FRMD6: variants seen among roughly 807,000 people sequenced by gnomAD.
FRMD6 encodes the protein FERM domain containing 6, also known as FERM domain-containing protein 6.
In FRMD6, 37 loss-of-function variants were observed where a neutral mutation model predicts 73.2. The observed-to-expected ratio is 0.51, with a 90% CI of 0.39 to 0.66. FRMD6 has a LOEUF of 0.66. Ranked by LOEUF, FRMD6 falls within the 30% of genes least tolerant of loss-of-function variation. FRMD6 has a pLI of 0.00. For synonymous variants in FRMD6, 273 were observed against 282.2 expected (o/e 0.97, Z 0.33); for missense variants, 714 against 780.5 (o/e 0.91, Z 1.02).
chr14:51,718,758 A>C (rs1897371562), intron 10 of FRMD6, among the ~76,000 whole-genome samples: 1 of 152,212 alleles, frequency 6.6e-6, no homozygotes. Context: ...CCAGTTCCTT[A>C]GAACAATGTG....
At chr14:51,691,828 C>T (rs4612981) in intron 2 of FRMD6, among the ~76,000 whole-genome samples, 41,493 of 151,692 alleles carry the variant, frequency 0.27, 5,919 homozygotes, top group East Asian at 0.35. Flanking sequence ...CTCCTGACCT[C>T]ACGTGATCTG....
intron 1 of FRMD6, among the ~76,000 whole-genome samples, chr14:51,556,289 G>A (rs550107085): frequency 2.0e-5 from 3 of 152,294 alleles, no homozygotes; most frequent in South Asian, 4.1e-4. Context: ...GTATTTTAAT[G>A]TACTATAAAT....
At chr14:51,674,491 T>C (rs1394559788) in intron 1 of FRMD6, among the ~76,000 whole-genome samples, 1 of 152,128 alleles carries the variant, frequency 6.6e-6, no homozygotes, top group Non-Finnish European at 1.5e-5. Flanking sequence ...GATAAATGTT[T>C]ATGTGTCAGT....
intron 2 of FRMD6, among the ~76,000 whole-genome samples, chr14:51,585,939 G>GTATATATATATATATATA (rs3060587): frequency 2.6e-4 from 8 of 31,368 alleles, no homozygotes; most frequent in Admixed American, 8.3e-4. Context: ...GTGTGTGTGT[G>GTATATATATATATATATA]TATATATATA....
intron 2 of FRMD6, among the ~76,000 whole-genome samples, chr14:51,614,639 C>G (rs1373235502): frequency 6.6e-6 from 1 of 152,192 alleles, no homozygotes; most frequent in African/African-American, 2.4e-5. Flanking sequence ...CTACCATCTT[C>G]AAACTCCCAT....
intron 2 of FRMD6, among the ~76,000 whole-genome samples, chr14:51,623,285 G>T (rs529126018): frequency 1.3e-5 from 2 of 152,094 alleles, no homozygotes; most frequent in African/African-American, 4.8e-5. Flanking sequence ...TGAGATTATC[G>T]CATTGGAGAA....
At chr14:51,509,100 C>A (rs1033696856) in intron 1 of FRMD6, among the ~76,000 whole-genome samples, 5 of 152,174 alleles carry the variant, frequency 3.3e-5, no homozygotes, top group Non-Finnish European at 7.3e-5. Flanking sequence ...TACAAGGCCT[C>A]CCTTGGAATT....
the FRMD6 span, among the ~76,000 whole-genome samples, chr14:51,449,863 G>A: frequency 6.6e-6 from 1 of 152,172 alleles, no homozygotes; most frequent in Non-Finnish European, 1.5e-5. Context: ...GGCAGCACCA[G>A]TAGGTCATAC....
At chr14:51,716,237 C>T (rs920988344) in intron 10 of FRMD6, among the ~76,000 whole-genome samples, 53 of 151,952 alleles carry the variant, frequency 3.5e-4, no homozygotes, top group African/African-American at 1.2e-3. Flanking sequence ...CCTGGATTTC[C>T]TCCATTTAAC....
the FRMD6 span, among the ~76,000 whole-genome samples, chr14:51,437,965 T>G: frequency 6.6e-6 from 1 of 152,228 alleles, no homozygotes; most frequent in African/African-American, 2.4e-5. Flanking sequence ...TTCTCCTTTC[T>G]CTGTACCTTG....
At chr14:51,584,628 A>T (rs1017311903) in intron 2 of FRMD6, among the ~76,000 whole-genome samples, 11 of 152,116 alleles carry the variant, frequency 7.2e-5, no homozygotes, top group Admixed American at 6.6e-4. Flanking sequence ...TCCATTAATC[A>T]GTTGCCACCA....
intron 1 of FRMD6, among the ~76,000 whole-genome samples, chr14:51,558,103 A>T (rs1049017041): frequency 1.3e-5 from 2 of 152,206 alleles, no homozygotes; most frequent in African/African-American, 4.8e-5. Flanking sequence ...TCAATAAATT[A>T]TTGAATTCCT....
At chr14:51,435,201 A>T in the FRMD6 span, among the ~76,000 whole-genome samples, 1 of 152,208 alleles carries the variant, frequency 6.6e-6, no homozygotes. Flanking sequence ...ACTATATAAG[A>T]TGTGGTCAAG....
chr14:51,511,114 G>C (rs1884279742), intron 1 of FRMD6, among the ~76,000 whole-genome samples: 1 of 151,968 alleles, frequency 6.6e-6, no homozygotes. Flanking sequence ...CTACTCCCCA[G>C]TGGCTATTAC....
intron 1 of FRMD6, among the ~76,000 whole-genome samples, chr14:51,660,244 A>C (rs1162915537): frequency 1.3e-5 from 2 of 152,206 alleles, no homozygotes; most frequent in Non-Finnish European, 2.9e-5. Flanking sequence ...TTTCATGTCT[A>C]GTTGGGGGAA....
chr14:51,560,243 T>C (rs575573817), intron 1 of FRMD6, among the ~76,000 whole-genome samples: 205 of 152,302 alleles, frequency 1.3e-3, no homozygotes, highest in African/African-American at 4.5e-3. Context: ...CAACACAGAA[T>C]TGAATTAAGT....
chr14:51,694,010 C>T (rs141519482), intron 2 of FRMD6, among the ~76,000 whole-genome samples: 7 of 152,206 alleles, frequency 4.6e-5, no homozygotes, highest in South Asian at 2.1e-4. Context: ...GTAGCAAAAA[C>T]GATTTTATTA....
intron 2 of FRMD6, among the ~76,000 whole-genome samples, chr14:51,638,656 T>C (rs755595): frequency 0.11 from 16,825 of 152,220 alleles, 1,250 homozygotes; most frequent in Non-Finnish European, 0.16. Flanking sequence ...AATGAAGCAA[T>C]TAGAAACTTG....
rs113656948 is a variant in FRMD6, at chr14:51,646,040, C to A, written c.-146-43651C>A. On this transcript the variant is annotated intron_variant, in intron 2 of 14. Transcript: ENST00000356218. ...ATATCACAAAACACTGAAGAGAGGCCGGGTGCGGTGGCTCAAGCCTGTAAT... is the reference window on the plus strand; with the variant it reads ...ATATCACAAAACACTGAAGAGAGGCAGGGTGCGGTGGCTCAAGCCTGTAAT... Among the ~76,000 whole-genome samples the A allele has an allele frequency of 5.1e-3, 780 of 151,678 alleles. 7 individuals carry two copies. The highest frequency in any genetic ancestry group is 0.018 in the African/African-American group (746 of 41,352).
Sources: gnomAD v4.1 joint callset for allele counts (sites outside exome capture counted in the v4.1 genomes callset) on GRCh38, gnomAD v4.1.1 for gene constraint, MANE v1.5 for transcripts, NCBI Gene and HGNC (gene_info 2026-07-23, HGNC 2026-07-21) for gene names.